SLC25A21: variants seen among roughly 807,000 people sequenced by gnomAD.
SLC25A21 encodes mitochondrial 2-oxodicarboxylate carrier.
SLC25A21 carries 47 observed loss-of-function variants against 43.8 expected under a neutral mutation model. That is an observed-to-expected ratio of 1.07 (90% CI 0.85 to 1.37). SLC25A21 has a LOEUF of 1.37. Among genes scored for constraint, SLC25A21 ranks in the 40% most tolerant of loss-of-function variants. The pLI is 0.00. For synonymous variants in SLC25A21, 131 were observed against 121.3 expected (o/e 1.08, Z -0.52); for missense variants, 352 against 350.2 (o/e 1.00, Z -0.04).
intron 1 of SLC25A21, among the ~76,000 whole-genome samples, chr14:37,069,180 G>GA (rs879596904): frequency 0.013 from 1,802 of 140,434 alleles, 30 homozygotes; most frequent in African/African-American, 0.038. Context: ...CCATCTCAAA[G>GA]AAAAAAAAAA....
intron 1 of SLC25A21, among the ~76,000 whole-genome samples, chr14:37,105,371 T>C (rs1763286087): frequency 6.6e-6 from 1 of 152,162 alleles, no homozygotes; most frequent in African/African-American, 2.4e-5. Flanking sequence ...AGAGGAGTCC[T>C]GACTAAGGAG....
intron 1 of SLC25A21, among the ~76,000 whole-genome samples, chr14:36,976,836 C>T (rs1959884895): frequency 6.6e-6 from 1 of 152,224 alleles, no homozygotes; most frequent in East Asian, 1.9e-4. Flanking sequence ...CATCTTCTTG[C>T]TTTGAGAGCC....
chr14:37,102,333 C>T (rs919698672), intron 1 of SLC25A21, among the ~76,000 whole-genome samples: 2 of 151,818 alleles, frequency 1.3e-5, no homozygotes, highest in African/African-American at 4.8e-5. Context: ...ATCCCAGCTA[C>T]TCAGGAGGCT....
intron 1 of SLC25A21, among the ~76,000 whole-genome samples, chr14:36,896,139 G>T (rs1891231969): frequency 6.6e-6 from 1 of 152,132 alleles, no homozygotes; most frequent in Non-Finnish European, 1.5e-5. Flanking sequence ...TGACAGTGGG[G>T]TGTTAAAGTC....
intron 1 of SLC25A21, among the ~76,000 whole-genome samples, chr14:36,937,614 C>T (rs1290337017): frequency 3.3e-5 from 5 of 152,120 alleles, no homozygotes; most frequent in African/African-American, 9.7e-5. Context: ...GAGACAATGA[C>T]GTAAACTATG....
chr14:36,914,413 T>C (rs1397738656), intron 1 of SLC25A21, among the ~76,000 whole-genome samples: 2 of 152,192 alleles, frequency 1.3e-5, no homozygotes, highest in Non-Finnish European at 2.9e-5. Flanking sequence ...ATGATTAATA[T>C]AAACAGGCTT....
At chr14:36,734,712 TAAAG>T (rs1177669469) in intron 3 of SLC25A21, 139 bp from the exon 4 acceptor site, 6 of 649,140 alleles carry the variant, frequency 9.2e-6, no homozygotes, top group East Asian at 5.6e-5. Flanking sequence ...CATTCTAAAA[TAAAG>T]AAATAAATTT....
intron 1 of SLC25A21, among the ~76,000 whole-genome samples, chr14:37,128,534 C>T (rs997608717): frequency 1.0e-5 from 1 of 97,944 alleles, no homozygotes; most frequent in Non-Finnish European, 1.9e-5. Flanking sequence ...CTCTCTCTCT[C>T]TCTCTGTGTG....
chr14:37,139,073 C>T (rs1230587210), intron 1 of SLC25A21, among the ~76,000 whole-genome samples: 2 of 152,096 alleles, frequency 1.3e-5, no homozygotes, highest in African/African-American at 2.4e-5. Flanking sequence ...ACAGGAATCG[C>T]ATTAATCCAT....
intron 1 of SLC25A21, among the ~76,000 whole-genome samples, chr14:36,897,769 G>A (rs1026221064): frequency 4.6e-5 from 7 of 152,204 alleles, no homozygotes; most frequent in Non-Finnish European, 7.3e-5. Flanking sequence ...ACCCTCAGCT[G>A]CAGGTCTGTT....
At chr14:37,097,018 GTTTTTTTTTTGTTTTTTTTTTTT>G (rs1221219955) in intron 1 of SLC25A21, 1 of 145,150 alleles carries the variant, frequency 6.9e-6, no homozygotes, top group East Asian at 2.0e-4. Flanking sequence ...CAAAGGGCTG[GTTTTTTTTTTGTTTTTTTTTTTT>G]GTTTTTTTTT....
At chr14:37,079,034 A>G (rs900548117) in intron 1 of SLC25A21, among the ~76,000 whole-genome samples, 1 of 152,220 alleles carries the variant, frequency 6.6e-6, no homozygotes, top group African/African-American at 2.4e-5. Context: ...AAACTTTTTA[A>G]AGATGTTTTC....
chr14:37,063,453 T>C (rs1961993346), intron 1 of SLC25A21, among the ~76,000 whole-genome samples: 1 of 150,402 alleles, frequency 6.6e-6, no homozygotes, highest in African/African-American at 2.5e-5. Flanking sequence ...TGAGCCAGGA[T>C]TTTGCCACTG....
intron 1 of SLC25A21, among the ~76,000 whole-genome samples, chr14:37,137,428 AAC>A (rs1383382915): frequency 6.6e-6 from 1 of 152,224 alleles, no homozygotes; most frequent in East Asian, 1.9e-4. Flanking sequence ...ATTATGCAAA[AAC>A]ACAATTATAA....
At chr14:36,864,516 TA>T (rs1377509249) in intron 2 of SLC25A21, among the ~76,000 whole-genome samples, 1 of 152,232 alleles carries the variant, frequency 6.6e-6, no homozygotes, top group Non-Finnish European at 1.5e-5. Context: ...TGCTTGGGCT[TA>T]GAAATTACAA....
chr14:36,962,366 T>C (rs1335149205), intron 1 of SLC25A21, among the ~76,000 whole-genome samples: 1 of 152,160 alleles, frequency 6.6e-6, no homozygotes, highest in African/African-American at 2.4e-5. Flanking sequence ...TCTCTGACAC[T>C]ATATAATTTT....
At chr14:37,065,831 GA>G (rs1354813260) in intron 1 of SLC25A21, among the ~76,000 whole-genome samples, 5 of 152,262 alleles carry the variant, frequency 3.3e-5, no homozygotes, top group South Asian at 4.1e-4. Context: ...AATTTAAGAG[GA>G]AAAAAATTAA....
At chr14:37,015,089 G>A (rs542622205) in intron 1 of SLC25A21, among the ~76,000 whole-genome samples, 27 of 151,952 alleles carry the variant, frequency 1.8e-4, no homozygotes, top group Admixed American at 9.8e-4. Context: ...TGTGCACAAC[G>A]TGCAGGTTAG....
intron 9 of SLC25A21, among the ~76,000 whole-genome samples, chr14:36,682,631 A>G (rs1202867226): frequency 1.3e-5 from 2 of 152,160 alleles, no homozygotes; most frequent in African/African-American, 4.8e-5. Flanking sequence ...TATTAGGTCT[A>G]CTAGCAGGTT....
Sources: gnomAD v4.1 joint callset for allele counts (sites outside exome capture counted in the v4.1 genomes callset) on GRCh38, gnomAD v4.1.1 for gene constraint, MANE v1.5 for transcripts, NCBI Gene and HGNC (gene_info 2026-07-23, HGNC 2026-07-21) for gene names.